Variants in KLHDC1 observed in about 807,000 individuals in gnomAD.
The protein encoded by KLHDC1 is kelch domain containing 1, also known as kelch domain-containing protein 1.
In KLHDC1, 53 loss-of-function variants were observed where a neutral mutation model predicts 68.3. That is an observed-to-expected ratio of 0.78 (90% CI 0.62 to 0.98). KLHDC1 has a LOEUF of 0.98. Among genes scored for constraint, KLHDC1 ranks in the 50% least tolerant of loss-of-function variants. KLHDC1 has a pLI of 0.00. For synonymous variants in KLHDC1, 148 were observed against 159.0 expected, an observed-to-expected ratio of 0.93 and a Z score of 0.52; for missense variants, 470 against 492.3, an observed-to-expected ratio of 0.95 and a Z score of 0.43.
intron 10 of KLHDC1, among the ~76,000 whole-genome samples, chr14:49,737,245 A>G (rs1022747503): frequency 6.6e-6 from 1 of 152,194 alleles, no homozygotes; most frequent in Admixed American, 6.5e-5. Context: ...ATTTATATCA[A>G]TGTATCTTCT....
chr14:49,718,575 C>T (rs1442565414), intron 4 of KLHDC1, among the ~76,000 whole-genome samples: 1 of 152,082 alleles, frequency 6.6e-6, no homozygotes. Flanking sequence ...ACCAGCATGC[C>T]TAGCATAGTA....
At chr14:49,715,753 A>ATATAT (rs1566604531) in intron 4 of KLHDC1, among the ~76,000 whole-genome samples, 1 of 130,654 alleles carries the variant, frequency 7.7e-6, no homozygotes, top group African/African-American at 3.0e-5. Context: ...AAAAAAAAAA[A>ATATAT]AAAAAAAAAA....
chr14:49,745,823 A>G (rs1372928311), intron 12 of KLHDC1, among the ~76,000 whole-genome samples: 1 of 152,258 alleles, frequency 6.6e-6, no homozygotes, highest in East Asian at 1.9e-4. Context: ...TATGTCATCT[A>G]GAACTTTATC....
intron 6 of KLHDC1, 67 bp from the exon 7 acceptor site, chr14:49,728,859 G>T (rs1432105222): frequency 2.7e-6 from 3 of 1,091,764 alleles, no homozygotes; most frequent in East Asian, 2.4e-5. Context: ...CACATACTGA[G>T]CATAGGAATG....
intron 5 of KLHDC1, 195 bp from the exon 6 acceptor site, chr14:49,725,491 C>G (rs1255322653): frequency 2.3e-6 from 1 of 434,750 alleles, no homozygotes; most frequent in Admixed American, 4.1e-5. Context: ...AGAAAAGTTG[C>G]CAGGTGGTGC....
At chr14:49,744,769 C>A (rs1403405421) in intron 12 of KLHDC1, among the ~76,000 whole-genome samples, 1 of 152,030 alleles carries the variant, frequency 6.6e-6, no homozygotes, top group African/African-American at 2.4e-5. Context: ...TGTCATAAGC[C>A]TAACTATATT....
Position 49,702,818 on chromosome 14 carries a change from C to G in KLHDC1, c.97-6341C>G, listed in dbSNP as rs963749121. 1.2e-4 allele frequency among the ~76,000 whole-genome samples: 18 copies of G among 152,214 alleles called. No homozygotes were observed. In the East Asian group the frequency reaches 3.3e-3, roughly 28 times the overall value. On this transcript the variant is annotated intron_variant, in intron 1 of 12. Coordinates refer to ENST00000359332, the MANE Select transcript of KLHDC1 (RefSeq NM_172193.3). ...ATGAATCTGTGCTAGATTTGGACTT[C>G]GGAATAAAGATATAAAAAACCACGA...
In KLHDC1 at chr14:49,740,184, T is replaced by G. The variant is rs1163368072; in HGVS notation, c.981+2T>G. 1.0e-5 allele frequency: 16 copies of G among 1,542,494 alleles called. No homozygotes were observed. Among genetic ancestry groups the G allele is most frequent in the African/African-American group, 1.4e-5 (1 of 73,204 alleles). ...GATGACTTACTTGCCTTGGATACAG[T>G]AAGAAAATCTTATATCTAAATATTT... On this transcript the variant is annotated splice_donor_variant, in intron 11 of 12. Transcript: ENST00000359332. LOFTEE classifies it high-confidence loss of function.
intron 12 of KLHDC1, among the ~76,000 whole-genome samples, chr14:49,747,988 A>C (rs1303836699): frequency 6.6e-6 from 1 of 152,200 alleles, no homozygotes; most frequent in East Asian, 1.9e-4. Flanking sequence ...ATACAAAAGA[A>C]AGTTAAAACT....
chr14:49,749,793 T>C (rs1001337959), intron 12 of KLHDC1, among the ~76,000 whole-genome samples: 1 of 152,134 alleles, frequency 6.6e-6, no homozygotes, highest in African/African-American at 2.4e-5. Context: ...CTGGGCGCAG[T>C]GAGGCCTGTA....
intron 1 of KLHDC1, among the ~76,000 whole-genome samples, chr14:49,699,161 CAAAA>C (rs34856234): frequency 1.4e-4 from 15 of 107,806 alleles, no homozygotes; most frequent in African/African-American, 5.3e-4. Flanking sequence ...AAGACTGTCT[CAAAA>C]AAAAAAAAAA....
chr14:49,731,510 C>T (rs1025852195), intron 8 of KLHDC1, among the ~76,000 whole-genome samples: 1 of 151,738 alleles, frequency 6.6e-6, no homozygotes, highest in Non-Finnish European at 1.5e-5. Flanking sequence ...GCTCTTGTTG[C>T]CCAGGCTGGA....
intron 12 of KLHDC1, among the ~76,000 whole-genome samples, chr14:49,747,703 A>G (rs1163550277): frequency 6.6e-6 from 1 of 152,218 alleles, no homozygotes; most frequent in Non-Finnish European, 1.5e-5. Flanking sequence ...GATTTGAAGT[A>G]GCTGCCTAGG....
At chr14:49,748,087 A>G (rs1204551045) in intron 12 of KLHDC1, among the ~76,000 whole-genome samples, 1 of 152,178 alleles carries the variant, frequency 6.6e-6, no homozygotes, top group African/African-American at 2.4e-5. Flanking sequence ...CTGGTCCAAG[A>G]GGAGGATGGG....
chr14:49,705,191 G>A (rs1179641143), intron 1 of KLHDC1, among the ~76,000 whole-genome samples: 1 of 152,026 alleles, frequency 6.6e-6, no homozygotes, highest in African/African-American at 2.4e-5. Flanking sequence ...ACTAGGAGAT[G>A]TTTAAGTACT....
chr14:49,734,323 A>G (rs1046179168), intron 9 of KLHDC1, among the ~76,000 whole-genome samples: 3 of 152,206 alleles, frequency 2.0e-5, no homozygotes, highest in African/African-American at 7.2e-5. Flanking sequence ...TGTGAGATCT[A>G]GGATTTCATT....
chr14:49,707,749 C>G (rs1256336903), intron 1 of KLHDC1: 1 of 149,212 alleles, frequency 6.7e-6, no homozygotes, highest in African/African-American at 2.5e-5. Flanking sequence ...CTCCTGAGCT[C>G]CAGTGATCCT....
chr14:49,748,709 C>T (rs1889254072), intron 12 of KLHDC1, among the ~76,000 whole-genome samples: 1 of 151,244 alleles, frequency 6.6e-6, no homozygotes, highest in Non-Finnish European at 1.5e-5. Flanking sequence ...CACCTATGAG[C>T]CATCGTAGGG....
intron 5 of KLHDC1, among the ~76,000 whole-genome samples, chr14:49,724,562 T>TAC (rs1215860891): frequency 1.3e-5 from 2 of 151,990 alleles, no homozygotes; most frequent in African/African-American, 4.8e-5. Context: ...TATATATATA[T>TAC]ATACACACAC....
Sources: allele counts gnomAD v4.1 joint callset (sites outside exome capture counted in the v4.1 genomes callset), GRCh38; gene constraint gnomAD v4.1.1; transcripts MANE v1.5; gene names NCBI Gene and HGNC (gene_info 2026-07-23, HGNC 2026-07-21).